The following ERICH1 variants were observed in gnomAD, a reference collection of about 807,000 sequenced individuals.
ERICH1 encodes glutamate-rich protein 1.
Under a neutral mutation model 39.6 loss-of-function variants are expected in ERICH1, and 56 were observed. The ratio of observed to expected loss-of-function variants is 1.41; its 90% CI spans 1.14 to 1.77. The LOEUF (loss-of-function observed/expected upper bound fraction) is 1.77, where lower values mean the gene tolerates loss of function less well. ERICH1 is among the 40% of genes most tolerant of loss of function. The probability of loss-of-function intolerance (pLI) is 0.00; values close to 1 mark genes in which losing one functional copy is unlikely to be tolerated. For synonymous variants in ERICH1, 313 were observed against 223.6 expected (o/e 1.40, Z -3.57); for missense variants, 826 against 575.4 (o/e 1.44, Z -4.45).
chr8:724,477 G>A lies in ERICH1; in HGVS notation c.22+6663C>T, dbSNP rs369284728. Among the ~76,000 whole-genome samples the A allele has an allele frequency of 5.3e-5, 8 of 152,280 alleles. No homozygotes were observed. In the South Asian group the frequency reaches 6.2e-4, roughly 12 times the overall value. ...TTAAGCACTGGTAAACACACCCAGCGGGATGCGAGCAGCCCAGGGGCTTCC... is the reference window on the plus strand; with the variant it reads ...TTAAGCACTGGTAAACACACCCAGCAGGATGCGAGCAGCCCAGGGGCTTCC... On this transcript the variant is annotated intron_variant, in intron 1 of 5. Coordinates refer to ENST00000262109, the MANE Select transcript of ERICH1 (RefSeq NM_207332.3).
chr8:673,807 T>A lies in ERICH1; in HGVS notation c.545A>T (p.Lys182Met). The A allele has an allele frequency of 1.2e-6, 2 of 1,614,192 alleles. No individual in the cohort carries two copies. The highest frequency in any genetic ancestry group is 1.7e-6 in the Non-Finnish European group (2 of 1,180,042). The change falls in exon 4 of 6, where the codon AAG (lysine) becomes ATG (methionine). Residue 182 changes from lysine to methionine, a missense_variant. By Grantham distance (95) the Lys-to-Met change is moderately conservative. Transcript: ENST00000262109. ...GTACATGAAACTGACACCAGCAGCC[T>A]TTGCTGCCAAGCCGGCTGCTTTCTT... ...KRKKAAGLAAKAAGVSFMYQP... is the reference protein window; with the variant it reads ...KRKKAAGLAAMAAGVSFMYQP...
intron 3 of ERICH1, among the ~76,000 whole-genome samples, chr8:636,676 C>T (rs1798464561): frequency 6.6e-6 from 1 of 152,244 alleles, no homozygotes; most frequent in Non-Finnish European, 1.5e-5. Context: ...AATAAAGGGT[C>T]GCTGCTGCAG....
At chr8:634,183 A>AAAAC (rs1554481908) in intron 3 of ERICH1, among the ~76,000 whole-genome samples, 4 of 135,846 alleles carry the variant, frequency 2.9e-5, no homozygotes, top group Non-Finnish European at 4.6e-5. Context: ...AAAAAAAAAA[A>AAAAC]AAACAAACAA....
In ERICH1 at chr8:695,668, T is replaced by C. The variant is rs13263429; in HGVS notation, c.170-3056A>G. ...TCCTCTCGCCCTCCACTCCTCTCCT[T>C]CCTCCCCATCAGCCTGCACCTGTGC... On this transcript the variant is annotated intron_variant, in intron 2 of 5. Transcript: ENST00000262109. Among the ~76,000 whole-genome samples the C allele has an allele frequency of 1.8e-3, 57 of 31,140 alleles. 3 individuals are homozygous for C. Among genetic ancestry groups the C allele is most frequent in the African/African-American group, 9.7e-3 (51 of 5,280 alleles). The allele number at this position is 31,140 out of a possible 152,430, so 20.4% of individuals were successfully genotyped here. A position where few individuals can be genotyped will look rare whatever the true frequency, so the allele number is the denominator to read the frequency against.
At chr8:682,081 A>T (rs58496312) in intron 3 of ERICH1, among the ~76,000 whole-genome samples, 3 of 151,920 alleles carry the variant, frequency 2.0e-5, no homozygotes, top group African/African-American at 7.3e-5. Flanking sequence ...CATGATGAGT[A>T]GGTCTTGAGC....
intron 2 of ERICH1, among the ~76,000 whole-genome samples, chr8:704,766 G>T (rs1375025633): frequency 6.6e-6 from 1 of 152,024 alleles, no homozygotes; most frequent in Non-Finnish European, 1.5e-5. Context: ...AAAAAAGAAA[G>T]AAAAAGAAGA....
intron 3 of ERICH1, chr8:616,620 G>T (rs1010784911): frequency 4.4e-6 from 2 of 454,904 alleles, no homozygotes; most frequent in South Asian, 3.1e-5. Flanking sequence ...TGAGTGGGGA[G>T]AGGGAGGCAG....
rs543239778 is a variant in ERICH1 at position 694,997 on chromosome 8, A to C, written c.170-2385T>G. On this transcript the variant is annotated intron_variant, in intron 2 of 5. Transcript: ENST00000262109. The stretch of plus-strand genomic sequence containing the variant: ...CCTCCCTGCTGGACAAGTCACAAGC[A>C]CCAGCATCCCTCGGGAAAGGCAGAG... Among the ~76,000 whole-genome samples the C allele has an allele frequency of 5.3e-5, 8 of 152,256 alleles. No individual in the cohort carries two copies. In the South Asian group the frequency reaches 1.7e-3, roughly 32 times the overall value.
intron 3 of ERICH1, among the ~76,000 whole-genome samples, chr8:622,337 CT>C (rs1797334827): frequency 6.6e-6 from 1 of 152,112 alleles, no homozygotes; most frequent in Non-Finnish European, 1.5e-5. Context: ...GAGGTGGGGC[CT>C]TTGGAGAGTG....
intron 2 of ERICH1, among the ~76,000 whole-genome samples, chr8:706,070 C>A (rs1813210194): frequency 6.6e-6 from 1 of 152,226 alleles, no homozygotes; most frequent in South Asian, 2.1e-4. Flanking sequence ...CAGGCATGTA[C>A]TGATTGGGCG....
chr8:663,731 A>T (rs1039120684), downstream of ERICH1, among the ~76,000 whole-genome samples: 11 of 152,096 alleles, frequency 7.2e-5, no homozygotes, highest in African/African-American at 2.4e-4. Flanking sequence ...ACCTGCCCTC[A>T]CAAAATGCTG....
chr8:724,624 G>A (rs764754776), intron 1 of ERICH1, among the ~76,000 whole-genome samples: 10 of 152,134 alleles, frequency 6.6e-5, no homozygotes, highest in Non-Finnish European at 1.2e-4. Flanking sequence ...TGGGAAGGCC[G>A]TTCAGCAAGC....
At chr8:637,468 TTC>T (rs1290189345) in intron 3 of ERICH1, 1 of 152,318 alleles carries the variant, frequency 6.6e-6, no homozygotes. Context: ...TGGGGTGGAT[TTC>T]TGTATCCCTG....
intron 3 of ERICH1, among the ~76,000 whole-genome samples, chr8:687,138 GTTAGTAACTATTTCAACTGGTGCT>G (rs1807605049): frequency 6.6e-6 from 1 of 152,228 alleles, no homozygotes; most frequent in East Asian, 1.9e-4. Flanking sequence ...AAGCCGTGAA[GTTAGTAACTATTTCAACTGGTGCT>G]TGCTGCTAGA....
downstream of ERICH1, among the ~76,000 whole-genome samples, chr8:660,528 G>A (rs752985826): frequency 2.6e-5 from 4 of 152,202 alleles, no homozygotes; most frequent in Admixed American, 1.3e-4. Context: ...CTGGCGGCCC[G>A]TGAGTCCCCA....
intron 3 of ERICH1, among the ~76,000 whole-genome samples, chr8:676,831 G>C (rs1220008820): frequency 1.3e-5 from 2 of 152,248 alleles, no homozygotes; most frequent in Admixed American, 1.3e-4. Flanking sequence ...ATTTTAGGAA[G>C]CGCCTGTTGG....
intron 3 of ERICH1, among the ~76,000 whole-genome samples, chr8:642,756 G>C (rs1204673809): frequency 1.3e-5 from 2 of 152,126 alleles, no homozygotes; most frequent in East Asian, 3.9e-4. Context: ...TTCTTGTGGA[G>C]TTCTCACCGG....
At chr8:689,715 A>G (rs1273977379) in intron 3 of ERICH1, among the ~76,000 whole-genome samples, 1 of 152,204 alleles carries the variant, frequency 6.6e-6, no homozygotes, top group Non-Finnish European at 1.5e-5. Flanking sequence ...GCTGCTGGGA[A>G]GGTGCCCAGC....
chr8:695,057 G>C (rs1229447185), intron 2 of ERICH1, among the ~76,000 whole-genome samples: 1 of 152,092 alleles, frequency 6.6e-6, no homozygotes, highest in African/African-American at 2.4e-5. Flanking sequence ...GGTGATAGGC[G>C]GTTGGCTGCC....
Sources: gnomAD v4.1 joint callset for allele counts (sites outside exome capture counted in the v4.1 genomes callset) on GRCh38, gnomAD v4.1.1 for gene constraint, MANE v1.5 for transcripts, NCBI Gene and HGNC (gene_info 2026-07-23, HGNC 2026-07-21) for gene names.